OTULIN: variants seen among roughly 807,000 people sequenced by gnomAD.
OTULIN encodes ubiquitin thioesterase otulin.
A neutral mutation model predicts 39.6 loss-of-function variants in OTULIN; 15 were observed. The observed-to-expected ratio is 0.38, with a 90% CI of 0.25 to 0.58. The LOEUF (loss-of-function observed/expected upper bound fraction) is 0.58. Among genes scored for constraint, OTULIN ranks in the 20% least tolerant of loss-of-function variants. OTULIN has a pLI of 0.66. For synonymous variants in OTULIN, 156 were observed against 170.3 expected, an observed-to-expected ratio of 0.92 and a Z score of 0.65; for missense variants, 319 against 445.9, an observed-to-expected ratio of 0.72 and a Z score of 2.56.
At chr5:14,681,222 T>C (rs1468294275) in intron 3 of OTULIN, among the ~76,000 whole-genome samples, 1 of 151,524 alleles carries the variant, frequency 6.6e-6, no homozygotes, top group Non-Finnish European at 1.5e-5. Flanking sequence ...TTTAGCTCTC[T>C]TTTTTCTTGC....
chr5:14,673,439 C>T (rs896777528), intron 1 of OTULIN, among the ~76,000 whole-genome samples: 1 of 152,122 alleles, frequency 6.6e-6, no homozygotes, highest in African/African-American at 2.4e-5. Context: ...GTAAGAAATT[C>T]TGAAGTAGAA....
At position 14,698,296 on chromosome 5, in the gene OTULIN, T is replaced by A. The variant is rs1007196486; in HGVS notation, c.*5248T>A. 9 of 152,236 alleles carry A rather than the reference T, an allele frequency of 5.9e-5. No individual in the cohort carries two copies. The highest frequency in any genetic ancestry group is 2.2e-4 in the African/African-American group (9 of 41,456). The allele number at this position is 152,236 out of a possible 1,614,324, so 9.4% of individuals were successfully genotyped here. A position where few individuals can be genotyped will look rare whatever the true frequency, so the allele number is the denominator to read the frequency against. On this transcript the variant is annotated 3_prime_UTR_variant, in exon 7 of 7. Coordinates refer to ENST00000284274, the MANE Select transcript of OTULIN (RefSeq NM_138348.6). ...GCACACTGTGTGAACCTGGCAGCGC[T>A]CATCTTGGCTTGTTTAGCAGTGCCT... is the stretch of plus-strand genomic sequence containing the variant.
chr5:14,675,042 G>A (rs1263689059), intron 2 of OTULIN, among the ~76,000 whole-genome samples: 2 of 152,164 alleles, frequency 1.3e-5, no homozygotes, highest in African/African-American at 4.8e-5. Context: ...AATTCTTGCC[G>A]TTGTTTGATG....
intron 4 of OTULIN, among the ~76,000 whole-genome samples, chr5:14,682,403 A>G (rs567125742): frequency 2.6e-5 from 4 of 152,338 alleles, no homozygotes; most frequent in Non-Finnish European, 5.9e-5. Flanking sequence ...ATCAACATCA[A>G]AGCAAGACCC....
chr5:14,704,138 T>C (rs1736869776), downstream of OTULIN, among the ~76,000 whole-genome samples: 1 of 151,960 alleles, frequency 6.6e-6, no homozygotes, highest in African/African-American at 2.4e-5. Flanking sequence ...AAGACCATCC[T>C]AGCCAACATG....
chr5:14,716,324 C>T, the OTULIN span, among the ~76,000 whole-genome samples: 1 of 152,162 alleles, frequency 6.6e-6, no homozygotes, highest in Non-Finnish European at 1.5e-5. Context: ...GAAACCCCGT[C>T]TCTACTAAAA....
chr5:14,716,226 G>T, the OTULIN span, among the ~76,000 whole-genome samples: 1 of 152,166 alleles, frequency 6.6e-6, no homozygotes, highest in East Asian at 1.9e-4. Context: ...TGTACGCCAG[G>T]TGCAGTGGCT....
At chr5:14,708,356 C>G in the OTULIN span, 1 of 152,240 alleles carries the variant, frequency 6.6e-6, no homozygotes, top group African/African-American at 2.4e-5. Flanking sequence ...GAGAAAGTCA[C>G]ACCTGGTCTT....
At chr5:14,705,995 T>C in the OTULIN span, 4 of 152,182 alleles carry the variant, frequency 2.6e-5, no homozygotes, top group Non-Finnish European at 2.9e-5. Context: ...CTAAATCTTA[T>C]AGTGAGAATT....
chr5:14,675,045 G>T (rs901763942), intron 2 of OTULIN, among the ~76,000 whole-genome samples: 1 of 152,166 alleles, frequency 6.6e-6, no homozygotes, highest in Non-Finnish European at 1.5e-5. Context: ...TCTTGCCGTT[G>T]TTTGATGTTT....
At chr5:14,692,523 C>T (rs1214657008) in intron 6 of OTULIN, among the ~76,000 whole-genome samples, 2 of 152,160 alleles carry the variant, frequency 1.3e-5, no homozygotes, top group African/African-American at 4.8e-5. Flanking sequence ...CTTTCTTGGT[C>T]ACTTGTATAT....
intron 5 of OTULIN, 49 bp from the exon 6 acceptor site, chr5:14,689,990 G>A (rs185078628): frequency 1.8e-4 from 286 of 1,574,938 alleles, no homozygotes; most frequent in Non-Finnish European, 2.4e-4. Context: ...ACTATACCAG[G>A]GATTTTTAGA....
intron 6 of OTULIN, among the ~76,000 whole-genome samples, chr5:14,691,785 T>G (rs1736535106): frequency 6.6e-6 from 1 of 152,236 alleles, no homozygotes; most frequent in African/African-American, 2.4e-5. Flanking sequence ...ACTAATCTAC[T>G]TTCTGTCTCA....
At chr5:14,691,063 T>C (rs1249002600) in intron 6 of OTULIN, among the ~76,000 whole-genome samples, 1 of 152,228 alleles carries the variant, frequency 6.6e-6, no homozygotes, top group Non-Finnish European at 1.5e-5. Flanking sequence ...GTGTGGAGTT[T>C]TACACACAAA....
chr5:14,697,401 T>C lies in OTULIN; in HGVS notation c.*4353T>C, dbSNP rs1736697898. 6.6e-6 allele frequency: 1 copy of C among 152,188 alleles called. No homozygotes were observed. Among genetic ancestry groups the C allele is most frequent in the Non-Finnish European group, 1.5e-5 (1 of 68,038 alleles). The allele number at this position is 152,188 out of a possible 1,614,324, so 9.4% of individuals were successfully genotyped here. Reference sequence around the variant, plus strand: ...CATGTTGGCCAGGCTGGTCTCGAGCTCCTGGCCTCAGGTGATCCACCTGCT... The same window carrying C: ...CATGTTGGCCAGGCTGGTCTCGAGCCCCTGGCCTCAGGTGATCCACCTGCT... On this transcript the variant is annotated 3_prime_UTR_variant, in exon 7 of 7. Coordinates refer to ENST00000284274, the MANE Select transcript of OTULIN (RefSeq NM_138348.6).
downstream of OTULIN, among the ~76,000 whole-genome samples, chr5:14,700,613 C>T (rs902460986): frequency 6.8e-6 from 1 of 147,746 alleles, no homozygotes; most frequent in Non-Finnish European, 1.5e-5. Flanking sequence ...CGCATCTGCA[C>T]CTCCCCCTTT....
the OTULIN span, among the ~76,000 whole-genome samples, chr5:14,715,098 A>G: frequency 6.6e-6 from 1 of 152,232 alleles, no homozygotes; most frequent in Non-Finnish European, 1.5e-5. Context: ...CCGTTCCATC[A>G]GCCCTGGCCT....
At chr5:14,689,597 C>T (rs1312328737) in intron 5 of OTULIN, among the ~76,000 whole-genome samples, 1 of 152,206 alleles carries the variant, frequency 6.6e-6, no homozygotes, top group Admixed American at 6.5e-5. Context: ...GGAGCCCCTA[C>T]GCCCTTCCTT....
chr5:14,713,074 T>C, the OTULIN span: 1 of 1,165,346 alleles, frequency 8.6e-7, no homozygotes, highest in South Asian at 1.3e-5. The surrounding 1 kb of genome is among the most constrained non-coding windows in gnomAD (Gnocchi z 4.4). Context: ...TCGAGACGGC[T>C]GAGACCAGCG....
Sources: allele counts gnomAD v4.1 joint callset (sites outside exome capture counted in the v4.1 genomes callset), GRCh38; gene constraint gnomAD v4.1.1; non-coding constraint Gnocchi (gnomAD v3.1); transcripts MANE v1.5; gene names NCBI Gene and HGNC (gene_info 2026-07-23, HGNC 2026-07-21).